COBL: variants seen among roughly 807,000 people sequenced by gnomAD.
COBL encodes the protein cordon-bleu WH2 repeat protein, also known as protein cordon-bleu.
In COBL, 51 loss-of-function variants were observed where a neutral mutation model predicts 98.8. The observed-to-expected ratio is 0.52, with a 90% CI of 0.41 to 0.65. COBL has a LOEUF of 0.65. Among genes scored for constraint, COBL ranks in the 30% least tolerant of loss-of-function variants. The pLI is 0.00. For missense variants in COBL, 1,617 were observed against 1,617.5 expected (o/e 1.00, Z 0.01); for synonymous variants, 634 against 651.7 (o/e 0.97, Z 0.41).
At chr7:51,228,769 T>G (rs1300742563) in intron 1 of COBL, among the ~76,000 whole-genome samples, 1 of 152,056 alleles carries the variant, frequency 6.6e-6, no homozygotes, top group Admixed American at 6.5e-5. Flanking sequence ...TCCCAGCAAG[T>G]GAAGAAAGAG....
intron 5 of COBL, among the ~76,000 whole-genome samples, chr7:51,173,174 A>AGTTTTTT (rs138256083): frequency 1.1e-3 from 173 of 151,958 alleles, no homozygotes; most frequent in Non-Finnish European, 2.1e-3. Context: ...AGGACTTCAA[A>AGTTTTTT]GTTTTTTGTT....
chr7:51,310,799 C>T (rs1253218984), intron 1 of COBL, among the ~76,000 whole-genome samples: 5 of 152,150 alleles, frequency 3.3e-5, no homozygotes. Context: ...GCTGGGACTA[C>T]AGGCATGTGC....
At chr7:51,094,603 C>G (rs145958135) in intron 6 of COBL, among the ~76,000 whole-genome samples, 2 of 152,066 alleles carry the variant, frequency 1.3e-5, no homozygotes, top group Admixed American at 1.3e-4. Flanking sequence ...ACCTGCATTA[C>G]AAGAATTGGT....
intron 6 of COBL, among the ~76,000 whole-genome samples, chr7:51,092,040 T>C (rs1338210480): frequency 6.6e-6 from 1 of 152,172 alleles, no homozygotes; most frequent in Non-Finnish European, 1.5e-5. Flanking sequence ...AGGTGAGTGG[T>C]AAGTGAACAA....
intron 7 of COBL, among the ~76,000 whole-genome samples, chr7:51,066,530 C>A (rs1248024655): frequency 1.3e-5 from 2 of 152,154 alleles, no homozygotes; most frequent in Non-Finnish European, 2.9e-5. Flanking sequence ...CTTTTGGTTG[C>A]AGACAAGTTT....
intron 8 of COBL, chr7:51,035,643 A>G (rs1788562131): frequency 6.6e-6 from 1 of 152,238 alleles, no homozygotes; most frequent in African/African-American, 2.4e-5. Context: ...TTATAATAAC[A>G]TTGAAAATGT....
At chr7:51,287,878 G>A (rs574477586) in intron 1 of COBL, among the ~76,000 whole-genome samples, 109 of 152,292 alleles carry the variant, frequency 7.2e-4, no homozygotes, top group African/African-American at 2.5e-3. Flanking sequence ...ACAGTTGACT[G>A]AAAGGAGCTG....
intron 5 of COBL, among the ~76,000 whole-genome samples, chr7:51,162,864 G>A (rs978336346): frequency 6.6e-6 from 1 of 152,240 alleles, no homozygotes; most frequent in Non-Finnish European, 1.5e-5. Flanking sequence ...ATGACTTGAA[G>A]CTGAAGCTGT....
chr7:51,018,903 AAAATATATATATATATATATATATAT>A (rs1483844599), intron 12 of COBL, among the ~76,000 whole-genome samples: 8 of 57,212 alleles, frequency 1.4e-4, no homozygotes, highest in African/African-American at 5.7e-4. Context: ...AAAAAAAAAA[AAAATATATATATATATATATATATAT>A]ATATATATAT....
chr7:51,050,953 A>T (rs944507703), intron 7 of COBL, among the ~76,000 whole-genome samples: 9 of 152,174 alleles, frequency 5.9e-5, no homozygotes, highest in Non-Finnish European at 1.3e-4. Flanking sequence ...TATTATAGGA[A>T]CCATTATTTT....
At chr7:51,146,473 C>T (rs12530828) in intron 5 of COBL, among the ~76,000 whole-genome samples, 61,761 of 151,948 alleles carry the variant, frequency 0.41, 13,428 homozygotes, top group Non-Finnish European at 0.49. Context: ...GTTCTCTTGG[C>T]AATCTTGTCA....
At chr7:51,256,094 T>C (rs966991697) in intron 1 of COBL, among the ~76,000 whole-genome samples, 1 of 152,134 alleles carries the variant, frequency 6.6e-6, no homozygotes, top group Non-Finnish European at 1.5e-5. Flanking sequence ...GCTGAGACCC[T>C]GAATTCCATG....
At chr7:51,063,587 T>G (rs935380826) in intron 7 of COBL, among the ~76,000 whole-genome samples, 1 of 152,178 alleles carries the variant, frequency 6.6e-6, no homozygotes, top group South Asian at 2.1e-4. Context: ...CAGACAGCAG[T>G]AGGAGGCAGG....
chr7:51,066,234 T>C (rs780060156), intron 7 of COBL, among the ~76,000 whole-genome samples: 23 of 152,178 alleles, frequency 1.5e-4, no homozygotes, highest in Non-Finnish European at 3.2e-4. Flanking sequence ...CCCTCCTTCC[T>C]GGTATTTTTG....
intron 1 of COBL, among the ~76,000 whole-genome samples, chr7:51,227,437 T>C (rs1004588347): frequency 1.3e-5 from 2 of 152,148 alleles, no homozygotes; most frequent in African/African-American, 4.8e-5. Context: ...CATCCCTGAA[T>C]ACACCTTTAG....
At chr7:51,170,577 T>C (rs1787776794) in intron 5 of COBL, among the ~76,000 whole-genome samples, 1 of 148,958 alleles carries the variant, frequency 6.7e-6, no homozygotes, top group South Asian at 2.1e-4. Context: ...GTATCACATA[T>C]ATATATAATG....
intron 7 of COBL, among the ~76,000 whole-genome samples, chr7:51,059,815 C>T (rs932183144): frequency 6.6e-6 from 1 of 152,158 alleles, no homozygotes; most frequent in African/African-American, 2.4e-5. Context: ...CTTCTATGTG[C>T]TATTCTCTAG....
At chr7:51,124,590 G>A (rs1344839501) in intron 6 of COBL, among the ~76,000 whole-genome samples, 1 of 152,122 alleles carries the variant, frequency 6.6e-6, no homozygotes, top group Admixed American at 6.5e-5. Context: ...TTCCCATGGC[G>A]ACGGCTGCTG....
chr7:51,119,790 G>A (rs1797589086), intron 6 of COBL, among the ~76,000 whole-genome samples: 1 of 152,132 alleles, frequency 6.6e-6, no homozygotes, highest in African/African-American at 2.4e-5. Flanking sequence ...ATTTTTGTAA[G>A]TACTATTACA....
Sources: gnomAD v4.1 joint callset for allele counts (sites outside exome capture counted in the v4.1 genomes callset) on GRCh38, gnomAD v4.1.1 for gene constraint, MANE v1.5 for transcripts, NCBI Gene and HGNC (gene_info 2026-07-23, HGNC 2026-07-21) for gene names.